Variants in DENND1A observed in about 807,000 individuals in gnomAD.
DENND1A encodes the protein DENN domain containing 1A.
A neutral mutation model predicts 113.7 loss-of-function variants in DENND1A; 51 were observed. That is an observed-to-expected ratio of 0.45 (90% CI 0.36 to 0.57). The LOEUF (loss-of-function observed/expected upper bound fraction) is 0.57, where lower values mean the gene tolerates loss of function less well. Among genes scored for constraint, DENND1A ranks in the 20% least tolerant of loss-of-function variants. The pLI, the probability that DENND1A is intolerant of heterozygous loss-of-function variation, is 0.00. For synonymous variants in DENND1A, 565 were observed against 570.8 expected (o/e 0.99, Z 0.14); for missense variants, 1,258 against 1,395.9 (o/e 0.90, Z 1.57).
intron 20 of DENND1A, 85 bp from the exon 21 acceptor site, chr9:123,403,575 C>T (rs1223797730): frequency 7.9e-6 from 10 of 1,269,002 alleles, no homozygotes; most frequent in Non-Finnish European, 1.0e-5. Context: ...GGATAAACGG[C>T]CCCCCCAAAA....
At chr9:123,725,442 C>G (rs954113316) in intron 5 of DENND1A, among the ~76,000 whole-genome samples, 5 of 152,248 alleles carry the variant, frequency 3.3e-5, no homozygotes, top group Non-Finnish European at 7.3e-5. Flanking sequence ...AACATTTCAG[C>G]ATCACACTCC....
At chr9:123,880,212 C>T (rs1206146207) in intron 1 of DENND1A, among the ~76,000 whole-genome samples, 1 of 152,062 alleles carries the variant, frequency 6.6e-6, no homozygotes, top group African/African-American at 2.4e-5. Context: ...GGGGTTTCAC[C>T]ATGTTGGCCA....
intron 2 of DENND1A, among the ~76,000 whole-genome samples, chr9:123,872,189 A>G (rs1846733965): frequency 6.6e-6 from 1 of 152,236 alleles, no homozygotes. Context: ...ATAAGCATAC[A>G]AAAATTAAGA....
chr9:123,383,138 T>C (rs1386425513), intron 23 of DENND1A, among the ~76,000 whole-genome samples: 2 of 152,216 alleles, frequency 1.3e-5, no homozygotes, highest in East Asian at 3.8e-4. Context: ...ACTGGAGCTC[T>C]GTGAACCCCA....
At chr9:123,889,177 T>G (rs1016274119) in intron 1 of DENND1A, among the ~76,000 whole-genome samples, 1 of 152,090 alleles carries the variant, frequency 6.6e-6, no homozygotes, top group Non-Finnish European at 1.5e-5. Context: ...AAACTAAACA[T>G]CAGGAGGCTT....
intron 13 of DENND1A, among the ~76,000 whole-genome samples, chr9:123,518,750 C>T (rs2054146879): frequency 6.6e-6 from 1 of 152,126 alleles, no homozygotes; most frequent in Admixed American, 6.5e-5. Context: ...CCATGCCACC[C>T]CCACCTGTCT....
Position 123,775,458 on chromosome 9 carries a change from T to C in DENND1A, c.133-5895A>G, listed in dbSNP as rs138141684. Reference sequence around the variant, plus strand: ...ACCAAAGGAATAGGGGTCCCAACAGTAAAACTGCAAACATGATTTCATTGA... The same window carrying C: ...ACCAAAGGAATAGGGGTCCCAACAGCAAAACTGCAAACATGATTTCATTGA... On this transcript the variant is annotated intron_variant, in intron 3 of 23. Transcript: ENST00000394215. 2.0e-5 allele frequency among the ~76,000 whole-genome samples: 3 copies of C among 152,056 alleles called. No homozygotes were observed. The East Asian group carries it at 5.8e-4, about 29-fold the overall frequency.
intron 13 of DENND1A, among the ~76,000 whole-genome samples, chr9:123,480,084 C>T (rs931428508): frequency 1.3e-5 from 2 of 152,184 alleles, no homozygotes; most frequent in African/African-American, 4.8e-5. Context: ...AATAACAGAC[C>T]TTCTGCCAAT....
At chr9:123,809,651 T>C (rs1330523099) in intron 2 of DENND1A, among the ~76,000 whole-genome samples, 1 of 152,232 alleles carries the variant, frequency 6.6e-6, no homozygotes. Context: ...AGAAAAATTC[T>C]AAATTTAAGC....
chr9:123,552,029 G>GAGAC (rs1564703123), intron 13 of DENND1A, among the ~76,000 whole-genome samples: 5 of 139,574 alleles, frequency 3.6e-5, no homozygotes, highest in African/African-American at 5.9e-5. Flanking sequence ...GAGAGAGAGA[G>GAGAC]AGAGAGAGAC....
At chr9:123,708,645 G>A (rs544003702) in intron 5 of DENND1A, among the ~76,000 whole-genome samples, 29 of 152,148 alleles carry the variant, frequency 1.9e-4, no homozygotes, top group Non-Finnish European at 3.7e-4. Context: ...ATTGTTGCAT[G>A]CAGATGGTAG....
chr9:123,606,822 G>A (rs537492290), intron 11 of DENND1A, among the ~76,000 whole-genome samples: 121 of 152,348 alleles, frequency 7.9e-4, no homozygotes, highest in Non-Finnish European at 3.4e-4. Flanking sequence ...ATGCTCCAGG[G>A]GATGATGGAG....
intron 12 of DENND1A, among the ~76,000 whole-genome samples, chr9:123,561,265 T>C (rs1046575188): frequency 1.3e-5 from 2 of 152,024 alleles, no homozygotes; most frequent in Non-Finnish European, 2.9e-5. Context: ...AATGGCCTCA[T>C]TACCATTTTA....
At chr9:123,522,263 G>A (rs1027241962) in intron 13 of DENND1A, among the ~76,000 whole-genome samples, 1 of 152,210 alleles carries the variant, frequency 6.6e-6, no homozygotes, top group Admixed American at 6.5e-5. Flanking sequence ...CTCCCACCCA[G>A]AGCTGCTTCT....
At chr9:123,710,549 A>G (rs1159212063) in intron 5 of DENND1A, among the ~76,000 whole-genome samples, 1 of 151,502 alleles carries the variant, frequency 6.6e-6, no homozygotes, top group Non-Finnish European at 1.5e-5. Context: ...ACACACACAC[A>G]CACACACACA....
rs116159421 is a variant in DENND1A at position 123,848,379 on chromosome 9, T to C, written c.88+30572A>G. 1.8e-3 allele frequency among the ~76,000 whole-genome samples: 270 copies of C among 152,268 alleles called. 1 individual carries two copies. Among genetic ancestry groups the C allele is most frequent in the African/African-American group, 5.6e-3 (231 of 41,542 alleles). The stretch of plus-strand genomic sequence containing the variant: ...ATTATTATTATATCTGTTATGATGA[T>C]CAGTGATCAATGATCTTTGATGTTG... On this transcript the variant is annotated intron_variant, in intron 2 of 23. Transcript: ENST00000394215.
intron 5 of DENND1A, among the ~76,000 whole-genome samples, chr9:123,710,560 C>CACACACACACACACACAT (rs60092060): frequency 0.016 from 2,354 of 148,958 alleles, 128 homozygotes; most frequent in African/African-American, 0.026. Flanking sequence ...CACACACACA[C>CACACACACACACACACAT]TGGCATCATA....
intron 13 of DENND1A, among the ~76,000 whole-genome samples, chr9:123,546,162 T>C (rs962295511): frequency 2.0e-5 from 3 of 152,190 alleles, no homozygotes; most frequent in Admixed American, 6.5e-5. Context: ...TGCTGGGCTG[T>C]GCCTTCGCTT....
rs559551402 is a variant in DENND1A, at chr9:123,458,689, C to T, written c.994-792G>A. Among the ~76,000 whole-genome samples the T allele has an allele frequency of 2.8e-3, 429 of 152,316 alleles. 2 individuals carry two copies. The highest frequency in any genetic ancestry group is 9.8e-3 in the African/African-American group (407 of 41,568). ...AGAAGCAGCCCTGCTAGGCCAGGCG[C>T]GGTGGCTCATGCCTGTAATCCCAGC... On this transcript the variant is annotated intron_variant, in intron 13 of 23. Transcript: ENST00000394215.
Sources: allele counts gnomAD v4.1 joint callset (sites outside exome capture counted in the v4.1 genomes callset), GRCh38; gene constraint gnomAD v4.1.1; transcripts MANE v1.5; gene names NCBI Gene and HGNC (gene_info 2026-07-23, HGNC 2026-07-21).